Variants in YY1AP1 observed in about 807,000 individuals in gnomAD.
The protein encoded by YY1AP1 is YY1 associated protein 1.
A neutral mutation model predicts 39.9 loss-of-function variants in YY1AP1; 43 were observed. That is an observed-to-expected ratio of 1.08 (90% CI 0.84 to 1.39). YY1AP1 has a LOEUF of 1.39. YY1AP1 is among the 40% of genes most tolerant of loss of function. The pLI is 0.00. For synonymous variants in YY1AP1, 292 were observed against 331.3 expected, an observed-to-expected ratio of 0.88 and a Z score of 1.29; for missense variants, 813 against 900.7, an observed-to-expected ratio of 0.90 and a Z score of 1.25.
chr1:155,668,772 A>G lies in YY1AP1; in HGVS notation c.734T>C (p.Leu245Ser), dbSNP rs1375927985. The change falls in exon 9 of 11, where the codon TTA becomes TCA. Residue 245 changes from leucine to serine, a missense_variant. By Grantham distance (145) the Leu-to-Ser change is moderately radical. This residue lies in a region of YY1AP1 where 586 missense variants were observed against 647.4 expected (regional missense o/e 0.91). Coordinates refer to ENST00000355499, the MANE Select transcript of YY1AP1 (RefSeq NM_139119.3). ...TTCAAAATGCTTCAGTCCTAAAGCT[A>G]ACAAACTGAGAAAGGAGCAATAACA... ...ILFTKAEDNL[L>S]ALGLKHFEGT... 6.2e-6 allele frequency: 10 copies of G among 1,614,072 alleles called. No homozygotes were observed. Among genetic ancestry groups the G allele is most frequent in the Non-Finnish European group, 8.5e-6 (10 of 1,180,018 alleles).
rs186008342 is a variant in YY1AP1, at chr1:155,678,573, A to G, written c.125+836T>C. 1.7e-3 allele frequency among the ~76,000 whole-genome samples: 263 copies of G among 152,286 alleles called. 2 individuals are homozygous for G. Among genetic ancestry groups the G allele is most frequent in the African/African-American group, 6.1e-3 (252 of 41,556 alleles). ...CAAATACTGACTTAGCAATCTTGAG[A>G]TTTTTGATGTAGTTGTATTGTGATA... On this transcript the variant is annotated intron_variant, in intron 4 of 10. Coordinates refer to ENST00000355499, the MANE Select transcript of YY1AP1 (RefSeq NM_139119.3).
chr1:155,664,497 G>A (rs946443696), intron 9 of YY1AP1, among the ~76,000 whole-genome samples: 7 of 152,016 alleles, frequency 4.6e-5, no homozygotes, highest in African/African-American at 1.7e-4. Flanking sequence ...CACTATGGGA[G>A]GCCAAGGTGG....
Position 155,675,081 on chromosome 1 carries a change from T to G in YY1AP1, c.340A>C (p.Thr114Pro). ...CAGGTGGCAAGAAGGTGGATTTGTG[T>G]CAAGAGCTGAACATGCTGGGGAGAG... Reference protein sequence around the residue: ...QQMQQHVQLLTQIHLLATCNP... With the variant: ...QQMQQHVQLLPQIHLLATCNP... Residue 114 changes from threonine to proline, a missense_variant, in exon 6 of 11, where the codon ACA (threonine) becomes CCA (proline). By Grantham distance (38) the Thr-to-Pro change is conservative (BLOSUM62 -1). This residue lies in a region of YY1AP1 where 196 missense variants were observed against 189.7 expected (regional missense o/e 1.03). Coordinates refer to ENST00000355499, the MANE Select transcript of YY1AP1 (RefSeq NM_139119.3). 1 of 1,613,638 alleles carries G rather than the reference T, an allele frequency of 6.2e-7. No individual in the cohort carries two copies. Among genetic ancestry groups the G allele is most frequent in the Non-Finnish European group, 8.5e-7 (1 of 1,179,730 alleles).
At chr1:155,682,207 G>GT (rs1651620537) in intron 2 of YY1AP1, among the ~76,000 whole-genome samples, 1 of 151,956 alleles carries the variant, frequency 6.6e-6, no homozygotes. Flanking sequence ...ATGTTAATGG[G>GT]TAAAGAGCTT....
intron 4 of YY1AP1, among the ~76,000 whole-genome samples, chr1:155,676,985 A>G (rs1650786775): frequency 6.6e-6 from 1 of 152,206 alleles, no homozygotes; most frequent in Non-Finnish European, 1.5e-5. Flanking sequence ...TCTTCCAAAT[A>G]ATATACAAAT....
At position 155,680,416 on chromosome 1, in the gene YY1AP1, A is replaced by G. The variant is rs143309316; in HGVS notation, c.21T>C (p.Thr7=). 1.2e-6 allele frequency: 2 copies of G among 1,613,514 alleles called. No individual in the cohort carries two copies. Among genetic ancestry groups the G allele is most frequent in the East Asian group, 4.5e-5 (2 of 44,848 alleles). Residue 7 remains threonine, a splice_region_variant and synonymous_variant, in exon 3 of 11, where the codon ACT becomes ACC. Transcript: ENST00000355499. MEDLFE[T]FQDEMGFSNM... ...TTCTCACTTGAGGATCATTACTCACAGTTTCAAACAGATCTTCCATCAGCT... is the reference window on the plus strand; with the variant it reads ...TTCTCACTTGAGGATCATTACTCACGGTTTCAAACAGATCTTCCATCAGCT...
chr1:155,661,248 T>G (rs749956449), intron 10 of YY1AP1, 59 bp downstream of exon 10: 2 of 1,613,918 alleles, frequency 1.2e-6, no homozygotes, highest in South Asian at 2.2e-5. Flanking sequence ...TCCTTGATAT[T>G]CTCTCAGAAC....
At chr1:155,687,895 T>A (rs1241171794) in intron 2 of YY1AP1, 176 bp downstream of exon 2, 1 of 685,604 alleles carries the variant, frequency 1.5e-6, no homozygotes, top group Non-Finnish European at 2.3e-6. Context: ...TCACCCCGCC[T>A]GGAGGGACTT....
At chr1:155,678,715 A>G (rs1322351153) in intron 4 of YY1AP1, among the ~76,000 whole-genome samples, 1 of 152,192 alleles carries the variant, frequency 6.6e-6, no homozygotes, top group Non-Finnish European at 1.5e-5. Flanking sequence ...ATGGAACCCA[A>G]GCTCTCTGCT....
In YY1AP1 at chr1:155,660,351, A is replaced by T. The variant is rs772106735; in HGVS notation, c.1559T>A (p.Met520Lys). 4 of 1,614,010 alleles carry T rather than the reference A, an allele frequency of 2.5e-6. 1 individual carries two copies. Among genetic ancestry groups the T allele is most frequent in the East Asian group, 2.2e-5 (1 of 44,900 alleles). The change falls in exon 11 of 11, where the codon ATG (methionine) becomes AAG (lysine). Residue 520 changes from methionine (M) to lysine (K), a missense_variant. Around this residue, in one of 3 missense-constraint regions of YY1AP1, gnomAD observed 586 missense variants for 647.4 expected, o/e 0.91. Transcript: ENST00000355499. ...CCGTCTCACATATGGCTTTCGAAAC[A>T]TGGAAGAGGCAGGGGAGGGCATCAT... Reference protein sequence around the residue: ...KVMMPSPASSMFRKPYVRRRP... With the variant: ...KVMMPSPASSKFRKPYVRRRP...
intron 2 of YY1AP1, among the ~76,000 whole-genome samples, chr1:155,681,000 G>A (rs1401486825): frequency 2.0e-5 from 3 of 151,794 alleles, no homozygotes; most frequent in Admixed American, 6.6e-5. Flanking sequence ...ATTCTAATAG[G>A]AAGAAGACAA....
At chr1:155,674,322 CA>C (rs1294707934) in intron 6 of YY1AP1, among the ~76,000 whole-genome samples, 3 of 151,266 alleles carry the variant, frequency 2.0e-5, no homozygotes, top group East Asian at 1.9e-4. Context: ...CAAAACAAAA[CA>C]AAAAAAACAC....
In YY1AP1 at chr1:155,660,640, G is replaced by A; in HGVS notation, c.1270C>T (p.Gln424Ter). 1 of 1,614,198 alleles carries A rather than the reference G, an allele frequency of 6.2e-7. No homozygotes were observed. Among genetic ancestry groups the A allele is most frequent in the Non-Finnish European group, 8.5e-7 (1 of 1,180,040 alleles). ...PLLIQPSPSL[Q>*]PSFNPGKTPA... is the part of the protein sequence containing the mutation. ...GTTTTCCCAGGGTTGAAGCTGGGCT[G>A]GAGAGAGGGGCTGGGTTGGATAAGG... is the stretch of plus-strand genomic sequence containing the variant. Residue 424 changes from glutamine (Q) to a stop codon, truncating the protein, a stop_gained, in exon 11 of 11, where the codon CAG becomes TAG. Transcript: ENST00000355499. LOFTEE classifies it low-confidence loss of function (END_TRUNC).
At chr1:155,672,359 T>C (rs898340442) in intron 7 of YY1AP1, 13 of 839,744 alleles carry the variant, frequency 1.5e-5, no homozygotes, top group Middle Eastern at 3.4e-4. Context: ...CTCCATGCCT[T>C]ACCCAGGCCC....
In YY1AP1 at chr1:155,688,703, C is replaced by T. The variant is rs368170583; in HGVS notation, c.-196G>A. 3.5e-4 allele frequency: 540 copies of T among 1,521,186 alleles called. 2 individuals carry two copies. The African/African-American group carries it at 6.6e-3, about 19-fold the overall frequency. The allele number at this position is 1,521,186 out of a possible 1,614,324, so 94.2% of individuals were successfully genotyped here. On this transcript the variant is annotated 5_prime_UTR_variant, in exon 1 of 11. Coordinates refer to ENST00000355499, the MANE Select transcript of YY1AP1 (RefSeq NM_139119.3). ...AGCCTTCTCCACCTCCTCTTCTCTC[C>T]TCCCCCTCCCTCCCCGCCCGCACGG...
At chr1:155,667,943 G>GAC (rs1421569148) in intron 9 of YY1AP1, among the ~76,000 whole-genome samples, 6 of 148,098 alleles carry the variant, frequency 4.1e-5, no homozygotes, top group African/African-American at 1.5e-4. Flanking sequence ...TACAGACACA[G>GAC]ACACACACAA....
chr1:155,662,499 A>G (rs1482960663), intron 9 of YY1AP1, among the ~76,000 whole-genome samples: 4 of 145,424 alleles, frequency 2.8e-5, no homozygotes, highest in Non-Finnish European at 5.9e-5. Flanking sequence ...GTGAGACTCC[A>G]TCTCAAAAAA....
chr1:155,679,016 G>C (rs1651132001), intron 4 of YY1AP1: 1 of 702,858 alleles, frequency 1.4e-6, no homozygotes, highest in African/African-American at 1.9e-5. Flanking sequence ...TAATGCCTAG[G>C]TGACTAACAA....
intron 6 of YY1AP1, among the ~76,000 whole-genome samples, chr1:155,674,449 C>A (rs552766593): frequency 6.6e-6 from 1 of 152,014 alleles, no homozygotes; most frequent in Non-Finnish European, 1.5e-5. Context: ...TGCCCAGCCT[C>A]AACATCTATG....
Sources: gnomAD v4.1 joint callset for allele counts (sites outside exome capture counted in the v4.1 genomes callset) on GRCh38, gnomAD v4.1.1 for gene constraint, gnomAD v4.1.1 regional missense constraint, MANE v1.5 for transcripts, NCBI Gene and HGNC (gene_info 2026-07-23, HGNC 2026-07-21) for gene names.